The following SZRD1 variants were observed in gnomAD, a reference collection of about 807,000 sequenced individuals.
The protein encoded by SZRD1 is SUZ RNA binding domain containing 1, also known as SUZ RNA-binding domain-containing.
SZRD1 carries 7 observed loss-of-function variants against 17.6 expected under a neutral mutation model. The observed-to-expected ratio is 0.40, with a 90% confidence interval of 0.23 to 0.75. The LOEUF is 0.75. Among genes scored for constraint, SZRD1 ranks in the 30% least tolerant of loss-of-function variants. SZRD1 has a pLI of 0.38. For synonymous variants in SZRD1, 77 were observed against 77.9 expected, an observed-to-expected ratio of 0.99 and a Z score of 0.06; for missense variants, 178 against 201.8, an observed-to-expected ratio of 0.88 and a Z score of 0.71.
chr1:16,382,506 T>G (rs919311548), intron 1 of SZRD1, among the ~76,000 whole-genome samples: 45 of 142,946 alleles, frequency 3.1e-4, no homozygotes, highest in Non-Finnish European at 6.4e-4. Flanking sequence ...TTTTTTTTTG[T>G]TTTTTTTTAA....
intron 1 of SZRD1, among the ~76,000 whole-genome samples, chr1:16,372,024 G>A (rs2082923183): frequency 6.6e-6 from 1 of 152,138 alleles, no homozygotes; most frequent in Non-Finnish European, 1.5e-5. Flanking sequence ...AAGTCCTATT[G>A]TGTCATTTGG....
At chr1:16,369,369 C>A in intron 1 of SZRD1, 1 of 943,718 alleles carries the variant, frequency 1.1e-6, no homozygotes, top group Non-Finnish European at 1.7e-6. Flanking sequence ...CACCAAGGTT[C>A]TCAGCTTTTC....
chr1:16,389,027 G>A (rs931789408), intron 1 of SZRD1, among the ~76,000 whole-genome samples: 3 of 149,984 alleles, frequency 2.0e-5, no homozygotes, highest in Admixed American at 1.3e-4. Context: ...GAACAATATA[G>A]CTAACCAGCT....
Position 16,397,333 on chromosome 1 carries a change from C to T in SZRD1, c.*2193C>T, listed in dbSNP as rs531749497. 457 of 152,276 alleles carry T rather than the reference C, an allele frequency of 3.0e-3. 2 individuals are homozygous for T. Among genetic ancestry groups the T allele is most frequent in the Non-Finnish European group, 3.6e-3 (242 of 68,042 alleles). The allele number at this position is 152,276 out of a possible 1,614,324, so 9.4% of individuals were successfully genotyped here. A position where few individuals can be genotyped will look rare whatever the true frequency, so the allele number is the denominator to read the frequency against. ...TCCCAAATGGAGAGGTAGCAGGCAA[C>T]GTTTTTAAAAAGAAAGAAAACAGGA... On this transcript the variant is annotated 3_prime_UTR_variant, in exon 4 of 4. Coordinates refer to ENST00000401088, the MANE Select transcript of SZRD1 (RefSeq NM_001114600.3). This position sits in a 1 kb window ranked among gnomAD's most constrained non-coding sequence, Gnocchi z 5.4.
chr1:16,383,063 A>C (rs2083132862), intron 1 of SZRD1, among the ~76,000 whole-genome samples: 1 of 151,730 alleles, frequency 6.6e-6, no homozygotes, highest in Non-Finnish European at 1.5e-5. Context: ...ACAGGGTTTC[A>C]CCATATTGCT....
intron 1 of SZRD1, among the ~76,000 whole-genome samples, chr1:16,389,742 G>T (rs995554483): frequency 1.3e-5 from 2 of 152,258 alleles, no homozygotes; most frequent in Non-Finnish European, 2.9e-5. Flanking sequence ...ACCGCGCTGG[G>T]CTGAGAATAG....
At position 16,393,052 on chromosome 1, in the gene SZRD1, T is replaced by C. The variant is rs1409544298; in HGVS notation, c.102-176T>C. Among the ~76,000 whole-genome samples the C allele has an allele frequency of 2.6e-5, 4 of 152,144 alleles. No individual in the cohort carries two copies. In the South Asian group the frequency reaches 6.2e-4, roughly 24 times the overall value. ...TGTCAGAGCTGGTCGCAAGCTTACTTTTTTGGGACACCCTTCTTGAGGAGT... is the reference window on the plus strand; with the variant it reads ...TGTCAGAGCTGGTCGCAAGCTTACTCTTTTGGGACACCCTTCTTGAGGAGT... On this transcript the variant is annotated intron_variant, in intron 2 of 3. Transcript: ENST00000401088. The surrounding 1 kb of genome is among the most constrained non-coding windows in gnomAD (Gnocchi z 5.6).
intron 1 of SZRD1, among the ~76,000 whole-genome samples, chr1:16,373,665 A>G (rs1354232151): frequency 6.7e-6 from 1 of 149,902 alleles, no homozygotes; most frequent in Non-Finnish European, 1.5e-5. Flanking sequence ...TGGTGCAATG[A>G]TGACTTACTG....
intron 1 of SZRD1, among the ~76,000 whole-genome samples, chr1:16,372,066 A>G (rs2082923494): frequency 6.6e-6 from 1 of 152,016 alleles, no homozygotes; most frequent in South Asian, 2.1e-4. Context: ...TCCCTCACAT[A>G]TTCTGTGAAT....
chr1:16,382,009 A>G (rs2083112883), intron 1 of SZRD1, among the ~76,000 whole-genome samples: 1 of 152,200 alleles, frequency 6.6e-6, no homozygotes, highest in African/African-American at 2.4e-5. Flanking sequence ...AGGCTGGAGC[A>G]TGATTGTTTT....
chr1:16,383,378 G>A (rs1428708009), intron 1 of SZRD1, among the ~76,000 whole-genome samples: 1 of 151,678 alleles, frequency 6.6e-6, no homozygotes, highest in Non-Finnish European at 1.5e-5. Flanking sequence ...GTGCCACCAT[G>A]CCCAGCTAAT....
intron 1 of SZRD1, among the ~76,000 whole-genome samples, chr1:16,378,102 C>G (rs1205185254): frequency 6.6e-6 from 1 of 152,088 alleles, no homozygotes; most frequent in Non-Finnish European, 1.5e-5. Flanking sequence ...ATCTGCCTAT[C>G]CCGTTACTTT....
chr1:16,389,304 G>A (rs1439170515), intron 1 of SZRD1, among the ~76,000 whole-genome samples: 1 of 150,214 alleles, frequency 6.7e-6, no homozygotes, highest in Non-Finnish European at 1.5e-5. Flanking sequence ...TTGCTCTGTC[G>A]CCCAGGCTGG....
intron 1 of SZRD1, among the ~76,000 whole-genome samples, chr1:16,388,200 G>A (rs1033011509): frequency 1.3e-4 from 20 of 151,988 alleles, no homozygotes; most frequent in African/African-American, 4.1e-4. Context: ...TGCAACCTCC[G>A]TCTCCCAGGT....
intron 1 of SZRD1, among the ~76,000 whole-genome samples, chr1:16,376,048 A>G (rs986621436): frequency 1.3e-5 from 2 of 152,182 alleles, no homozygotes; most frequent in African/African-American, 2.4e-5. Context: ...TATATGTTGT[A>G]TGGCTGCCTA....
chr1:16,385,909 C>T (rs1024121723), intron 1 of SZRD1, among the ~76,000 whole-genome samples: 9 of 152,148 alleles, frequency 5.9e-5, no homozygotes, highest in African/African-American at 1.9e-4. Flanking sequence ...AGGACCAGCC[C>T]TGTCGAGAAC....
chr1:16,392,488 C>T (rs77891835), intron 2 of SZRD1, among the ~76,000 whole-genome samples: 2,744 of 152,274 alleles, frequency 0.018, 83 homozygotes, highest in African/African-American at 0.062. Context: ...TTGATGTACG[C>T]GTCCACCAGC....
intron 1 of SZRD1, among the ~76,000 whole-genome samples, chr1:16,379,896 G>T (rs1275320728): frequency 6.6e-6 from 1 of 151,634 alleles, no homozygotes; most frequent in Non-Finnish European, 1.5e-5. Context: ...AAGTAGGTGG[G>T]ATTACAGGCG....
chr1:16,379,775 T>G (rs1411483211), intron 1 of SZRD1, among the ~76,000 whole-genome samples: 3 of 151,560 alleles, frequency 2.0e-5, no homozygotes, highest in Non-Finnish European at 2.9e-5. Context: ...TTTTTTTTTT[T>G]TTTGAGACGA....
Sources: gnomAD v4.1 joint callset for allele counts (sites outside exome capture counted in the v4.1 genomes callset) on GRCh38, gnomAD v4.1.1 for gene constraint, Gnocchi (gnomAD v3.1) non-coding constraint, MANE v1.5 for transcripts, NCBI Gene and HGNC (gene_info 2026-07-23, HGNC 2026-07-21) for gene names.